CCDC6: variants seen among roughly 807,000 people sequenced by gnomAD.
CCDC6 encodes coiled-coil domain containing 6.
Under a neutral mutation model 56.6 loss-of-function variants are expected in CCDC6, and 20 were observed. The observed-to-expected ratio is 0.35, with a 90% CI of 0.25 to 0.51. CCDC6 has a LOEUF of 0.51. Ranked by LOEUF, CCDC6 falls within the 20% of genes least tolerant of loss-of-function variation. CCDC6 has a pLI of 0.95. For synonymous variants in CCDC6, 241 were observed against 234.4 expected, an observed-to-expected ratio of 1.03 and a Z score of -0.26; for missense variants, 367 against 601.1, an observed-to-expected ratio of 0.61 and a Z score of 4.07.
chr10:59,893,662 A>ACATG (rs2071441597), intron 1 of CCDC6, among the ~76,000 whole-genome samples: 1 of 138,016 alleles, frequency 7.2e-6, no homozygotes, highest in African/African-American at 2.6e-5. Flanking sequence ...ATACATACAT[A>ACATG]CATACAATGA....
chr10:59,844,426 T>TGA (rs368309059), intron 2 of CCDC6, among the ~76,000 whole-genome samples: 4 of 139,238 alleles, frequency 2.9e-5, no homozygotes, highest in African/African-American at 1.1e-4. Flanking sequence ...GGAGGAATAT[T>TGA]AAAAAAAAAA....
chr10:59,837,576 T>G (rs988420143), intron 2 of CCDC6, among the ~76,000 whole-genome samples: 3 of 151,710 alleles, frequency 2.0e-5, no homozygotes, highest in Admixed American at 1.3e-4. Flanking sequence ...AAACCCTGTC[T>G]CTACCAAAAA....
rs528748275 is a variant in CCDC6, at chr10:59,865,860, A to T, written c.304-13158T>A. 5.8e-4 allele frequency among the ~76,000 whole-genome samples: 87 copies of T among 151,262 alleles called. 2 individuals carry two copies. Among genetic ancestry groups the T allele is most frequent in the South Asian group, 1.7e-3 (8 of 4,792 alleles). On this transcript the variant is annotated intron_variant, in intron 1 of 8. Transcript: ENST00000263102. ...GAGAGACTCCATCTCCACAAAAAAA[A>T]AAAAAAAAAAAAAAGAATACCATTC...
At chr10:59,900,205 G>C (rs978682536) in intron 1 of CCDC6, among the ~76,000 whole-genome samples, 1 of 151,880 alleles carries the variant, frequency 6.6e-6, no homozygotes, top group African/African-American at 2.4e-5. Flanking sequence ...GACGTGGGGT[G>C]GGGGGGGTGG....
chr10:59,845,100 G>C (rs1412084257), intron 2 of CCDC6, among the ~76,000 whole-genome samples: 1 of 152,176 alleles, frequency 6.6e-6, no homozygotes, highest in African/African-American at 2.4e-5. Context: ...CCTAGTGATA[G>C]CTAGGGTCCA....
chr10:59,826,583 T>A (rs1352337646), intron 3 of CCDC6, among the ~76,000 whole-genome samples: 1 of 152,162 alleles, frequency 6.6e-6, no homozygotes, highest in Non-Finnish European at 1.5e-5. Context: ...CCTCCCATCA[T>A]CTTTCTTAGA....
intron 7 of CCDC6, among the ~76,000 whole-genome samples, chr10:59,801,005 A>G (rs1162182769): frequency 6.6e-6 from 1 of 152,226 alleles, no homozygotes; most frequent in Admixed American, 6.5e-5. Context: ...ATAAAACAAG[A>G]TACAAAAGCA....
intron 1 of CCDC6, among the ~76,000 whole-genome samples, chr10:59,859,836 G>A (rs940548414): frequency 6.6e-5 from 10 of 151,998 alleles, no homozygotes; most frequent in South Asian, 2.1e-4. Context: ...AGGCTGAGGC[G>A]GGCATATCAT....
At chr10:59,888,365 T>G (rs2071398028) in intron 1 of CCDC6, among the ~76,000 whole-genome samples, 1 of 152,250 alleles carries the variant, frequency 6.6e-6, no homozygotes, top group Admixed American at 6.5e-5. Context: ...CCAGGTCTGC[T>G]TCACACAGGT....
chr10:59,895,989 T>C (rs1488395996), intron 1 of CCDC6, among the ~76,000 whole-genome samples: 2 of 152,198 alleles, frequency 1.3e-5, no homozygotes, highest in African/African-American at 2.4e-5. Context: ...TGGTTGGCAA[T>C]ACTCCATGTG....
In CCDC6 at chr10:59,814,607, C is replaced by T. The variant is rs751566246; in HGVS notation, c.686+45G>A. ...GTCACACCCAGAGCAGCAACACACA[C>T]ACACACACACACACACCCATACTGA... is the stretch of plus-strand genomic sequence containing the variant. On this transcript the variant is annotated intron_variant, in intron 4 of 8. Coordinates refer to ENST00000263102, the MANE Select transcript of CCDC6 (RefSeq NM_005436.5). 10 of 1,166,380 alleles carry T rather than the reference C, an allele frequency of 8.6e-6. No individual in the cohort carries two copies. In the Admixed American group the frequency reaches 1.2e-4, roughly 14 times the overall value. 72.3% of individuals were successfully genotyped at this position (1,166,380 alleles called of 1,614,324 possible). A position where few individuals can be genotyped will look rare whatever the true frequency, so the allele number is the denominator to read the frequency against.
intron 1 of CCDC6, among the ~76,000 whole-genome samples, chr10:59,859,370 T>A (rs16914291): frequency 0.032 from 4,878 of 152,248 alleles, 267 homozygotes; most frequent in African/African-American, 0.11. Flanking sequence ...TAAATCCTCA[T>A]CATTCACTAG....
At chr10:59,819,440 C>T (rs1040393881) in intron 3 of CCDC6, among the ~76,000 whole-genome samples, 1 of 152,102 alleles carries the variant, frequency 6.6e-6, no homozygotes, top group African/African-American at 2.4e-5. Context: ...ATATTGAGTC[C>T]CTTGGTTAAT....
intron 1 of CCDC6, among the ~76,000 whole-genome samples, chr10:59,897,980 A>C (rs2132686799): frequency 6.6e-6 from 1 of 152,332 alleles, no homozygotes; most frequent in East Asian, 1.9e-4. Flanking sequence ...CACACCTGGC[A>C]CCACAAGGCT....
At chr10:59,892,472 G>A (rs528464117) in intron 1 of CCDC6, among the ~76,000 whole-genome samples, 3 of 152,252 alleles carry the variant, frequency 2.0e-5, no homozygotes, top group Non-Finnish European at 2.9e-5. Context: ...GCCAGGTTGC[G>A]AGGCTCCCCA....
chr10:59,789,482 AC>A lies in CCDC6; in HGVS notation c.*3434del. ...CCCTAAAAAACAAAGAAAAAAACAAACAAAAAATCACCAAAAACCTAGAAAC... is the reference window on the plus strand; with the variant it reads ...CCCTAAAAAACAAAGAAAAAAACAAAAAAAAATCACCAAAAACCTAGAAAC... On this transcript the variant is annotated 3_prime_UTR_variant, in exon 9 of 9. Coordinates refer to ENST00000263102, the MANE Select transcript of CCDC6 (RefSeq NM_005436.5). 1 of 233,052 alleles carries A rather than the reference AC, an allele frequency of 4.3e-6. No homozygotes were observed. Among genetic ancestry groups the A allele is most frequent in the East Asian group, 6.1e-5 (1 of 16,502 alleles). The allele number at this position is 233,052 out of a possible 1,614,324, so 14.4% of individuals were successfully genotyped here.
At chr10:59,864,987 G>A (rs552739613) in intron 1 of CCDC6, among the ~76,000 whole-genome samples, 13 of 152,280 alleles carry the variant, frequency 8.5e-5, no homozygotes, top group South Asian at 8.3e-4. Context: ...CTTAATACGC[G>A]ATCTTCAAGT....
At chr10:59,860,955 G>A (rs2071122741) in intron 1 of CCDC6, among the ~76,000 whole-genome samples, 1 of 152,166 alleles carries the variant, frequency 6.6e-6, no homozygotes, top group Admixed American at 6.5e-5. Flanking sequence ...AGCACTTTGG[G>A]AGGGCAAGTT....
intron 7 of CCDC6, among the ~76,000 whole-genome samples, chr10:59,802,010 G>A (rs902881615): frequency 2.0e-5 from 3 of 152,110 alleles, no homozygotes; most frequent in Non-Finnish European, 2.9e-5. Context: ...TGTGGGGTAC[G>A]TTCATTGCTA....
Sources: gnomAD v4.1 joint callset for allele counts (sites outside exome capture counted in the v4.1 genomes callset) on GRCh38, gnomAD v4.1.1 for gene constraint, MANE v1.5 for transcripts, NCBI Gene and HGNC (gene_info 2026-07-23, HGNC 2026-07-21) for gene names.